Variants in IGSF10 observed in about 807,000 individuals in gnomAD.
The protein encoded by IGSF10 is immunoglobulin superfamily member 10.
IGSF10 carries 126 observed loss-of-function variants against 128.2 expected under a neutral mutation model. That is an observed-to-expected ratio of 0.98 (90% confidence interval 0.85 to 1.14). The LOEUF (loss-of-function observed/expected upper bound fraction) is 1.14, where lower values mean the gene tolerates loss of function less well. IGSF10 is among the 50% of genes most tolerant of loss of function. IGSF10 has a pLI of 0.00. For missense variants in IGSF10, 3,295 were observed against 3,149.8 expected (o/e 1.05, Z -1.10); for synonymous variants, 1,185 against 1,146.2 (o/e 1.03, Z -0.68).
At chr3:151,523,651 T>C in the IGSF10 span, among the ~76,000 whole-genome samples, 3 of 152,150 alleles carry the variant, frequency 2.0e-5, no homozygotes, top group African/African-American at 7.2e-5. Context: ...CCTTACACCA[T>C]ATACAAAAAT....
In IGSF10 at chr3:151,445,457, G is replaced by A; in HGVS notation, c.4524C>T (p.Ser1508=). 1.2e-6 allele frequency: 2 copies of A among 1,614,184 alleles called. No homozygotes were observed. The highest frequency in any genetic ancestry group is 1.7e-6 in the Non-Finnish European group (2 of 1,180,024). The change falls in exon 6 of 8, where the codon TCC becomes TCT. Residue 1508 remains serine (S), a synonymous_variant. Coordinates refer to ENST00000282466, the MANE Select transcript of IGSF10 (RefSeq NM_178822.5). Reference sequence around the variant, plus strand: ...GCTGTGGTTTAGCATTGTGCCTTGAGGATTCGTGCAGCTTGACCACTGTAT... The same window carrying A: ...GCTGTGGTTTAGCATTGTGCCTTGAAGATTCGTGCAGCTTGACCACTGTAT... ...MTNTVVKLHE[S]SRHNAKPQQL... is the part of the protein sequence containing the mutation.
the IGSF10 span, among the ~76,000 whole-genome samples, chr3:151,512,646 A>T: frequency 1.3e-5 from 2 of 152,028 alleles, no homozygotes; most frequent in African/African-American, 4.8e-5. Flanking sequence ...GACACAAAAA[A>T]CCCTTCAAAA....
At chr3:151,539,800 CT>C in the IGSF10 span, among the ~76,000 whole-genome samples, 2 of 149,756 alleles carry the variant, frequency 1.3e-5, no homozygotes, top group Admixed American at 1.3e-4. Context: ...ATCTATCTAT[CT>C]ATCTATCTAT....
At position 151,440,038 on chromosome 3, in the gene IGSF10, T is replaced by C. The variant is rs538791717; in HGVS notation, c.5964-1441A>G. 2.0e-5 allele frequency among the ~76,000 whole-genome samples: 3 copies of C among 149,134 alleles called. No homozygotes were observed. In the East Asian group the frequency reaches 6.7e-4, roughly 33 times the overall value. ...TCTCTCTCCTATTTTCTATTTACTT[T>C]ATATTTTTTTGAGACAGGGTGTCAC... On this transcript the variant is annotated intron_variant, in intron 7 of 7. Transcript: ENST00000282466.
rs748648765 is a variant in IGSF10, at chr3:151,447,096, C to T, written c.2885G>A (p.Ser962Asn). 25 of 1,614,216 alleles carry T rather than the reference C, an allele frequency of 1.5e-5. No individual in the cohort carries two copies. The Admixed American group carries it at 4.2e-4, about 27-fold the overall frequency. The change falls in exon 6 of 8, where the codon AGT (serine) becomes AAT (asparagine). Residue 962 changes from serine to asparagine, a missense_variant. Ser to Asn is a conservative substitution (Grantham distance 46). Coordinates refer to ENST00000282466, the MANE Select transcript of IGSF10 (RefSeq NM_178822.5). Reference protein sequence around the residue: ...NSHQTSVREVSEPRHNHFYSH... With the variant: ...NSHQTSVREVNEPRHNHFYSH... ...ATAGAAGTGATTGTGCCTGGGTTCACTCACTTCTCTTACAGATGTCTGATG... is the reference window on the plus strand; with the variant it reads ...ATAGAAGTGATTGTGCCTGGGTTCATTCACTTCTCTTACAGATGTCTGATG...
At position 151,453,710 on chromosome 3, in the gene IGSF10, C is replaced by T. The variant is rs773467882; in HGVS notation, c.389G>A (p.Ser130Asn). 6.2e-7 allele frequency: 1 copy of T among 1,605,656 alleles called. No individual in the cohort carries two copies. Among genetic ancestry groups the T allele is most frequent in the South Asian group, 1.1e-5 (1 of 89,488 alleles). The change falls in exon 5 of 8, where the codon AGC (serine) becomes AAC (asparagine). Residue 130 changes from serine to asparagine, a missense_variant. Transcript: ENST00000282466. ...GTGGTCCATGTGCAATCGTGTCAAG[C>T]TCCTGAGGCCATAAAAAGTATCTTT... ...LQKDTFYGLRSLTRLHMDHNN... is the reference protein window; with the variant it reads ...LQKDTFYGLRNLTRLHMDHNN...
At chr3:151,471,511 T>G in the IGSF10 span, among the ~76,000 whole-genome samples, 2 of 152,240 alleles carry the variant, frequency 1.3e-5, no homozygotes, top group African/African-American at 4.8e-5. Context: ...TCAATTTAAG[T>G]TGGCCCAACC....
At chr3:151,442,547 A>ATTTTTTTTTTTTTTTTT (rs3975406) in intron 7 of IGSF10, among the ~76,000 whole-genome samples, 2 of 125,542 alleles carry the variant, frequency 1.6e-5, no homozygotes, top group Non-Finnish European at 1.6e-5. Context: ...TGCCCGGCTA[A>ATTTTTTTTTTTTTTTTT]TTTTTTTTTT....
At chr3:151,590,992 G>A in the IGSF10 span, among the ~76,000 whole-genome samples, 1 of 152,060 alleles carries the variant, frequency 6.6e-6, no homozygotes, top group African/African-American at 2.4e-5. Context: ...GTAGCAGAAT[G>A]GATTAGAGAG....
Position 151,448,342 on chromosome 3 carries a change from CT to C in IGSF10, c.1638del (p.Gly547AlafsTer6). 1 of 1,614,180 alleles carries C rather than the reference CT, an allele frequency of 6.2e-7. No individual in the cohort carries two copies. ...TTGCTGCTTATACAGTGATATACGC[CT>C]GTGTCAAAACTATCAGCCATCTGGA... ...LELQMADSFD[T>X]GVYHCISSNY... On this transcript the variant is annotated frameshift_variant, in exon 6 of 8. Coordinates refer to ENST00000282466, the MANE Select transcript of IGSF10 (RefSeq NM_178822.5). LOFTEE classifies it high-confidence loss of function.
At chr3:151,525,925 A>G in the IGSF10 span, among the ~76,000 whole-genome samples, 2 of 152,196 alleles carry the variant, frequency 1.3e-5, no homozygotes, top group East Asian at 1.9e-4. Context: ...AGTTCATCAT[A>G]GTCAATTCTC....
Position 151,448,508 on chromosome 3 carries a change from T to C in IGSF10, c.1473A>G (p.Gly491=). ...GGCCTGGGCAGTTCAGGCCAACGGT[T>C]CCACCTACCAAGACAGTATGTTCCA... ...TKLEHTVLVG[G]TVGLNCPGQG... The change falls in exon 6 of 8, where the codon GGA becomes GGG. Residue 491 remains glycine, a synonymous_variant. Transcript: ENST00000282466. 2 of 1,614,246 alleles carry C rather than the reference T, an allele frequency of 1.2e-6. No individual in the cohort carries two copies. Among genetic ancestry groups the C allele is most frequent in the Non-Finnish European group, 1.7e-6 (2 of 1,180,040 alleles).
the IGSF10 span, among the ~76,000 whole-genome samples, chr3:151,617,877 A>G: frequency 2.0e-5 from 3 of 152,212 alleles, no homozygotes; most frequent in African/African-American, 7.2e-5. Context: ...GTTAGTTATC[A>G]CAAGAGTGAT....
At chr3:151,603,696 G>A in the IGSF10 span, among the ~76,000 whole-genome samples, 2 of 152,204 alleles carry the variant, frequency 1.3e-5, no homozygotes, top group African/African-American at 2.4e-5. Context: ...TGTAGACCAA[G>A]GAGAGCTGAT....
chr3:151,437,000 CTGGAACAGTAA>C lies in IGSF10; in HGVS notation c.7550_7560del (p.Ile2517SerfsTer46). On this transcript the variant is annotated frameshift_variant, in exon 8 of 8. Coordinates refer to ENST00000282466, the MANE Select transcript of IGSF10 (RefSeq NM_178822.5). LOFTEE classifies it low-confidence loss of function (END_TRUNC). ...CGGGGAGGGTAGGCTACAATCATTACTGGAACAGTAATCAGTGTATGACCAACACTATTTTG... is the reference window on the plus strand; with the variant it reads ...CGGGGAGGGTAGGCTACAATCATTACTCAGTGTATGACCAACACTATTTTG... 4 of 1,614,212 alleles carry C rather than the reference CTGGAACAGTAA, an allele frequency of 2.5e-6. No homozygotes were observed. Among genetic ancestry groups the C allele is most frequent in the Non-Finnish European group, 3.4e-6 (4 of 1,180,018 alleles).
At chr3:151,511,745 C>T in the IGSF10 span, among the ~76,000 whole-genome samples, 28 of 151,898 alleles carry the variant, frequency 1.8e-4, no homozygotes, top group Non-Finnish European at 4.0e-4. Context: ...GACACACATG[C>T]TCAAAATAAA....
chr3:151,609,575 G>C, the IGSF10 span, among the ~76,000 whole-genome samples: 1 of 151,464 alleles, frequency 6.6e-6, no homozygotes. Context: ...ATTCACAATA[G>C]CAAAGAAATC....
chr3:151,531,764 A>G, the IGSF10 span, among the ~76,000 whole-genome samples: 3 of 152,188 alleles, frequency 2.0e-5, no homozygotes, highest in Admixed American at 6.5e-5. Context: ...TAACATCACA[A>G]TGAAAAGAAC....
chr3:151,597,187 T>C, the IGSF10 span, among the ~76,000 whole-genome samples: 27 of 152,322 alleles, frequency 1.8e-4, no homozygotes, highest in African/African-American at 6.5e-4. Context: ...TTTCAGAGCA[T>C]GCATCTTTAG....
Sources: allele counts gnomAD v4.1 joint callset (sites outside exome capture counted in the v4.1 genomes callset), GRCh38; gene constraint gnomAD v4.1.1; transcripts MANE v1.5; gene names NCBI Gene and HGNC (gene_info 2026-07-23, HGNC 2026-07-21).